The following KMT2A variants were observed in gnomAD, a reference collection of about 807,000 sequenced individuals.
KMT2A encodes the protein lysine methyltransferase 2A.
In KMT2A, 16 loss-of-function variants were observed where a neutral mutation model predicts 345.3. That is an observed-to-expected ratio of 0.05 (90% CI 0.03 to 0.07). The LOEUF (loss-of-function observed/expected upper bound fraction) is 0.07, where lower values mean the gene tolerates loss of function less well. Among genes scored for constraint, KMT2A ranks in the 10% least tolerant of loss-of-function variants. The pLI, the probability that KMT2A is intolerant of heterozygous loss-of-function variation, is 1.00. For missense variants in KMT2A, 3,272 were observed against 4,841.6 expected (o/e 0.68, Z 9.62); for synonymous variants, 1,599 against 1,778.6 (o/e 0.90, Z 2.54).
intron 32 of KMT2A, 81 bp from the exon 33 acceptor site, chr11:118,519,876 A>G: frequency 6.4e-7 from 1 of 1,560,582 alleles, no homozygotes; most frequent in East Asian, 2.2e-5. Context: ...ATACCCTTTG[A>G]GATTTCCAGT....
At chr11:118,509,696 G>T (rs1470959141) in intron 29 of KMT2A, among the ~76,000 whole-genome samples, 1 of 152,032 alleles carries the variant, frequency 6.6e-6, no homozygotes, top group Non-Finnish European at 1.5e-5. Context: ...AAAACTATCA[G>T]ATCGTCATAC....
chr11:118,471,008 G>A (rs1555035325), intron 2 of KMT2A, among the ~76,000 whole-genome samples: 1 of 152,194 alleles, frequency 6.6e-6, no homozygotes, highest in African/African-American at 2.4e-5. Flanking sequence ...AAGCAGGGGA[G>A]TAGATTTAGT....
At chr11:118,513,847 G>C (rs1460204262) in intron 31 of KMT2A, among the ~76,000 whole-genome samples, 1 of 150,592 alleles carries the variant, frequency 6.6e-6, no homozygotes, top group Non-Finnish European at 1.5e-5. Flanking sequence ...TGATGTGGGA[G>C]GAGCGCATTG....
intron 31 of KMT2A, among the ~76,000 whole-genome samples, chr11:118,515,834 A>G (rs1950801643): frequency 6.6e-6 from 1 of 151,864 alleles, no homozygotes; most frequent in East Asian, 1.9e-4. Flanking sequence ...GACTACAGGT[A>G]CACGCCACCA....
At position 118,471,779 on chromosome 11, in the gene KMT2A, G is replaced by C. The variant is rs1555035564; in HGVS notation, c.620G>C (p.Gly207Ala). 2 of 1,613,550 alleles carry C rather than the reference G, an allele frequency of 1.2e-6. No homozygotes were observed. Among genetic ancestry groups the C allele is most frequent in the Non-Finnish European group, 8.5e-7 (1 of 1,179,720 alleles). ...CTAAATAAATCAGAGACCAAATCTG[G>C]AGATAAGATCAAGAAGAAAGATTCT... ...SPLNKSETKS[G>A]DKIKKKDSKS... Residue 207 changes from glycine to alanine, a missense_variant, in exon 3 of 36, where the codon GGA (glycine) becomes GCA (alanine). By Grantham distance (60) the Gly-to-Ala change is moderately conservative. Transcript: ENST00000534358.
intron 1 of KMT2A, among the ~76,000 whole-genome samples, chr11:118,464,802 G>A (rs1555033730): frequency 6.6e-6 from 1 of 152,220 alleles, no homozygotes; most frequent in Non-Finnish European, 1.5e-5. Flanking sequence ...AAAGCAGACT[G>A]TTTAAGAGCA....
intron 31 of KMT2A, among the ~76,000 whole-genome samples, chr11:118,517,737 G>T (rs918053859): frequency 6.6e-6 from 1 of 152,182 alleles, no homozygotes; most frequent in Non-Finnish European, 1.5e-5. Context: ...AGCTACCTGG[G>T]AGGCTGAGGC....
Position 118,504,027 on chromosome 11 carries a change from G to A in KMT2A, c.8135G>A (p.Cys2712Tyr). 1 of 1,614,212 alleles carries A rather than the reference G, an allele frequency of 6.2e-7. No individual in the cohort carries two copies. Among genetic ancestry groups the A allele is most frequent in the South Asian group, 1.1e-5 (1 of 91,086 alleles). Reference sequence around the variant, plus strand: ...AATTTATTTCGGGAGGAGGAACAGTGTGATCTTCCAAAAATCTCACAGTTG... The same window carrying A: ...AATTTATTTCGGGAGGAGGAACAGTATGATCTTCCAAAAATCTCACAGTTG... ...SHNLFREEEQ[C>Y]DLPKISQLDG... is the part of the protein sequence containing the mutation. Residue 2712 changes from cysteine to tyrosine, a missense_variant, in exon 27 of 36, where the codon TGT becomes TAT. Cys to Tyr is a radical substitution (Grantham distance 194). Around this residue, in one of 27 missense-constraint regions of KMT2A, gnomAD observed 47 missense variants for 53.6 expected, o/e 0.88. Transcript: ENST00000534358. This position sits in a 1 kb window ranked among gnomAD's most constrained non-coding sequence, Gnocchi z 6.4.
At position 118,472,645 on chromosome 11, in the gene KMT2A, A is replaced by T. The variant is rs782591851; in HGVS notation, c.1486A>T (p.Ile496Phe). The stretch of plus-strand genomic sequence containing the variant: ...CACAGACTCTCAGGCTTCTGAGGAG[A>T]TTCAGGTACTTCCTGAGGAGCGGAG... ...TSTDSQASEE[I>F]QVLPEERSDT... The change falls in exon 3 of 36, where the codon ATT becomes TTT. Residue 496 changes from isoleucine (I) to phenylalanine (F), a missense_variant. This residue lies in a region of KMT2A where 180 missense variants were observed against 190.7 expected (regional missense o/e 0.94). Transcript: ENST00000534358. The T allele has an allele frequency of 1.2e-6, 2 of 1,612,604 alleles. No individual in the cohort carries two copies. Among genetic ancestry groups the T allele is most frequent in the Non-Finnish European group, 1.7e-6 (2 of 1,179,790 alleles).
rs782112729 is a variant in KMT2A at position 118,526,181 on chromosome 11, A to G, written c.*4009A>G. On this transcript the variant is annotated 3_prime_UTR_variant, in exon 36 of 36. Coordinates refer to ENST00000534358, the MANE Select transcript of KMT2A (RefSeq NM_001197104.2). ...CCATAAAGGAATGGTAGAACAGTCCATTCCTCGGATCAGAGAAAAATGCAG... is the reference window on the plus strand; with the variant it reads ...CCATAAAGGAATGGTAGAACAGTCCGTTCCTCGGATCAGAGAAAAATGCAG... 9.3e-6 allele frequency: 2 copies of G among 215,960 alleles called. No individual in the cohort carries two copies. Among genetic ancestry groups the G allele is most frequent in the African/African-American group, 2.3e-5 (1 of 44,398 alleles). 13.4% of individuals were successfully genotyped at this position (215,960 alleles called of 1,614,324 possible).
chr11:118,520,143 G>A lies in KMT2A; in HGVS notation c.11429+79G>A, dbSNP rs1249240429. The A allele has an allele frequency of 1.6e-5, 15 of 912,252 alleles. No homozygotes were observed. Among genetic ancestry groups the A allele is most frequent in the Non-Finnish European group, 2.4e-5 (14 of 582,824 alleles). 56.5% of individuals were successfully genotyped at this position (912,252 alleles called of 1,614,324 possible). On this transcript the variant is annotated intron_variant, in intron 33 of 35. Coordinates refer to ENST00000534358, the MANE Select transcript of KMT2A (RefSeq NM_001197104.2). The surrounding 1 kb of genome is among the most constrained non-coding windows in gnomAD (Gnocchi z 4.3). ...TGGTCAGGGCACTACGTAGGAATTT[G>A]TTTGCATCAGAATTTCCTGGATAAG...
intron 31 of KMT2A, among the ~76,000 whole-genome samples, chr11:118,514,458 C>T (rs1275339713): frequency 1.3e-5 from 2 of 150,030 alleles, no homozygotes; most frequent in Non-Finnish European, 3.0e-5. Flanking sequence ...TTTTTTTCTC[C>T]AAGACAGAGT....
At chr11:118,488,024 C>T (rs1171966950) in intron 10 of KMT2A, among the ~76,000 whole-genome samples, 1 of 151,960 alleles carries the variant, frequency 6.6e-6, no homozygotes, top group South Asian at 2.1e-4. Flanking sequence ...ACTAAAAATA[C>T]AAAAAATTAG....
chr11:118,436,973 G>A lies in KMT2A; in HGVS notation c.432+29G>A. On this transcript the variant is annotated intron_variant, in intron 1 of 35. Transcript: ENST00000534358. This position sits in a 1 kb window ranked among gnomAD's most constrained non-coding sequence, Gnocchi z 6.9. ...AGGGGGCGAGGAACCCCCAGGTCCG[G>A]GGTCTCGACCCTCTGCGGAGCCCCC... 7.0e-7 allele frequency: 1 copy of A among 1,421,904 alleles called. No homozygotes were observed. 88.1% of individuals were successfully genotyped at this position (1,421,904 alleles called of 1,614,324 possible).
chr11:118,517,527 T>C (rs1480413652), intron 31 of KMT2A, among the ~76,000 whole-genome samples: 1 of 152,220 alleles, frequency 6.6e-6, no homozygotes, highest in African/African-American at 2.4e-5. Flanking sequence ...GACCAACAGT[T>C]GTGATCATAA....
chr11:118,507,162 G>A (rs906318779), intron 27 of KMT2A, among the ~76,000 whole-genome samples: 2 of 152,162 alleles, frequency 1.3e-5, no homozygotes, highest in African/African-American at 4.8e-5. Flanking sequence ...GCTGGGTGTG[G>A]TGTTGCACAC....
At chr11:118,517,423 GA>G (rs1950844596) in intron 31 of KMT2A, among the ~76,000 whole-genome samples, 1 of 146,510 alleles carries the variant, frequency 6.8e-6, no homozygotes, top group African/African-American at 2.5e-5. Flanking sequence ...GAAAAGAAAA[GA>G]AAAAAGAGTT....
At position 118,496,289 on chromosome 11, in the gene KMT2A, A is replaced by G; in HGVS notation, c.5586A>G (p.Pro1862=). The G allele has an allele frequency of 6.2e-7, 1 of 1,613,956 alleles. No individual in the cohort carries two copies. The highest frequency in any genetic ancestry group is 8.5e-7 in the Non-Finnish European group (1 of 1,179,840). Reference sequence around the variant, plus strand: ...CTGATAGGAGTCGAGAAGACAGTCCAGAGCTGAACCCACCCCCAGGCATAG... The same window carrying G: ...CTGATAGGAGTCGAGAAGACAGTCCGGAGCTGAACCCACCCCCAGGCATAG... ...LSTDRSREDS[P]ELNPPPGIED... is the part of the protein sequence containing the mutation. The change falls in exon 20 of 36, where the codon CCA becomes CCG. Residue 1862 remains proline, a synonymous_variant. Coordinates refer to ENST00000534358, the MANE Select transcript of KMT2A (RefSeq NM_001197104.2). The surrounding 1 kb of genome is among the most constrained non-coding windows in gnomAD (Gnocchi z 4.7).
At position 118,482,432 on chromosome 11, in the gene KMT2A, G is replaced by A; in HGVS notation, c.4023G>A (p.Gln1341=). The change falls in exon 8 of 36, where the codon CAG becomes CAA. Residue 1341 remains glutamine, a synonymous_variant. Coordinates refer to ENST00000534358, the MANE Select transcript of KMT2A (RefSeq NM_001197104.2). ...TTCTGAATTTTTTAGGTCCAGAGCA[G>A]AGCAAACAGAAAAAAGTGGCTCCCC... The part of the protein sequence containing the change: ...QPPPPESGPE[Q]SKQKKVAPRP... 6.2e-7 allele frequency: 1 copy of A among 1,612,590 alleles called. No individual in the cohort carries two copies. Among genetic ancestry groups the A allele is most frequent in the African/African-American group, 1.3e-5 (1 of 74,698 alleles).
Sources: allele counts gnomAD v4.1 joint callset (sites outside exome capture counted in the v4.1 genomes callset), GRCh38; gene constraint gnomAD v4.1.1; regional missense constraint gnomAD v4.1.1; non-coding constraint Gnocchi (gnomAD v3.1); transcripts MANE v1.5; gene names NCBI Gene and HGNC (gene_info 2026-07-23, HGNC 2026-07-21).